WDR59: variants seen among roughly 807,000 people sequenced by gnomAD.
WDR59 encodes the protein WD repeat domain 59, also known as GATOR2 complex protein WDR59.
Under a neutral mutation model 131.2 loss-of-function variants are expected in WDR59, and 100 were observed. The ratio of observed to expected loss-of-function variants is 0.76; its 90% CI spans 0.65 to 0.90. The LOEUF is 0.90. Ranked by LOEUF, WDR59 falls within the 40% of genes least tolerant of loss-of-function variation. The probability of loss-of-function intolerance (pLI) is 0.00; values close to 1 mark genes in which losing one functional copy is unlikely to be tolerated. For synonymous variants in WDR59, 601 were observed against 466.2 expected (o/e 1.29, Z -3.72); for missense variants, 1,203 against 1,262.2 (o/e 0.95, Z 0.71).
chr16:74,904,378 T>A, intron 17 of WDR59: 1 of 282,592 alleles, frequency 3.5e-6, no homozygotes, highest in South Asian at 5.4e-5. Flanking sequence ...TCTACTATAG[T>A]TCTATCAATT....
intron 1 of WDR59, among the ~76,000 whole-genome samples, chr16:74,975,182 G>A (rs78334887): frequency 5.3e-5 from 8 of 151,078 alleles, no homozygotes; most frequent in East Asian, 2.0e-4. Context: ...CCAACATGGC[G>A]ATACCTCGTC....
Position 74,970,495 on chromosome 16 carries a change from C to CAAAAA in WDR59, c.55-4678_55-4674dup, listed in dbSNP as rs746574195. On this transcript the variant is annotated intron_variant, in intron 1 of 25. Transcript: ENST00000262144. The stretch of plus-strand genomic sequence containing the variant: ...GGGTGACAGAGAGAGACTCTGTCTC[C>CAAAAA]AAAAAAAAAAAAAAAAAAAAAAAAA... Among the ~76,000 whole-genome samples, 300 of 33,350 alleles carry CAAAAA rather than the reference C, an allele frequency of 9.0e-3. 61 individuals carry two copies. Among genetic ancestry groups the CAAAAA allele is most frequent in the Non-Finnish European group, 0.013 (196 of 15,632 alleles). The allele number at this position is 33,350 out of a possible 152,430, so 21.9% of individuals were successfully genotyped here.
intron 3 of WDR59, among the ~76,000 whole-genome samples, 188 bp downstream of exon 3, chr16:74,956,287 T>A (rs887480250): frequency 5.9e-5 from 9 of 152,194 alleles, no homozygotes; most frequent in Non-Finnish European, 1.0e-4. Context: ...CTGACACCGA[T>A]GGGACCAGCG....
At chr16:74,947,565 A>G (rs1240609879) in intron 6 of WDR59, among the ~76,000 whole-genome samples, 1 of 152,218 alleles carries the variant, frequency 6.6e-6, no homozygotes, top group East Asian at 1.9e-4. Flanking sequence ...CTTTATTTAG[A>G]TTCTCACTGA....
chr16:74,956,541 G>C lies in WDR59; in HGVS notation c.174C>G (p.Ser58Arg). 6.2e-7 allele frequency: 1 copy of C among 1,614,124 alleles called. No individual in the cohort carries two copies. The highest frequency in any genetic ancestry group is 8.5e-7 in the Non-Finnish European group (1 of 1,180,012). Residue 58 changes from serine to arginine, a missense_variant, in exon 3 of 26, where the codon AGC (serine) becomes AGG (arginine). By Grantham distance (110) the Ser-to-Arg change is moderately radical. Coordinates refer to ENST00000262144, the MANE Select transcript of WDR59 (RefSeq NM_030581.4). ...FEGHRKISRQ[S>R]KWDIGAVQWN... is the part of the protein sequence containing the mutation. ...ACTGCACAGCTCCAATGTCCCATTT[G>C]CTCTGGCGAGAGATCTTTCGGTGAC...
chr16:74,916,329 G>A (rs1237602301), intron 11 of WDR59, 70 bp from the exon 12 acceptor site: 8 of 1,593,132 alleles, frequency 5.0e-6, no homozygotes, highest in Non-Finnish European at 6.9e-6. Flanking sequence ...TGATTAAAGA[G>A]TTCTGACTTA....
chr16:74,894,469 C>T (rs1463426008), intron 18 of WDR59, among the ~76,000 whole-genome samples: 1 of 152,096 alleles, frequency 6.6e-6, no homozygotes, highest in African/African-American at 2.4e-5. Context: ...TGGGTGGCTA[C>T]ATGTGTGAGG....
At chr16:74,972,681 C>G (rs1481760063) in intron 1 of WDR59, among the ~76,000 whole-genome samples, 1 of 150,858 alleles carries the variant, frequency 6.6e-6, no homozygotes, top group Admixed American at 6.6e-5. Flanking sequence ...ATTAGCCAGG[C>G]GTGGTGGCGC....
Position 74,872,007 on chromosome 16 carries a change from A to G in WDR59, c.*2202T>C, listed in dbSNP as rs6564181. ...AAGCTTCATCCAAAACAGTGTTGTG[A>G]AAATGTTTTGACTACAACTTTCAGT... On this transcript the variant is annotated 3_prime_UTR_variant, in exon 26 of 26. Transcript: ENST00000262144. 0.56 allele frequency: 85,091 copies of G among 152,120 alleles called. 24,175 individuals carry two copies. The highest frequency in any genetic ancestry group is 0.66 in the East Asian group (3,437 of 5,182). The allele number at this position is 152,120 out of a possible 1,614,324, so 9.4% of individuals were successfully genotyped here. A position where few individuals can be genotyped will look rare whatever the true frequency, so the allele number is the denominator to read the frequency against.
At chr16:74,894,932 T>G (rs1288743555) in intron 18 of WDR59, among the ~76,000 whole-genome samples, 2 of 152,248 alleles carry the variant, frequency 1.3e-5, no homozygotes, top group Non-Finnish European at 2.9e-5. Flanking sequence ...ATGTAACTAT[T>G]ATGAATGTAT....
intron 18 of WDR59, among the ~76,000 whole-genome samples, chr16:74,898,361 G>A (rs1436071527): frequency 1.3e-5 from 2 of 152,166 alleles, no homozygotes; most frequent in Non-Finnish European, 2.9e-5. Context: ...GGAGGAAAAG[G>A]ATTTGATCCT....
chr16:74,916,007 A>G lies in WDR59; in HGVS notation c.1100-13T>C, dbSNP rs1966352057. The G allele has an allele frequency of 3.7e-6, 6 of 1,614,160 alleles. No homozygotes were observed. The East Asian group carries it at 1.3e-4, about 36-fold the overall frequency. On this transcript the variant is annotated splice_polypyrimidine_tract_variant and intron_variant, in intron 12 of 25. Coordinates refer to ENST00000262144, the MANE Select transcript of WDR59 (RefSeq NM_030581.4). ...TCTTCTTTTAGGGCTAGCAGGAGAG[A>G]GAAGTTCAATGTTGGAAAGCATTTT...
chr16:74,895,312 G>C (rs1965246688), intron 18 of WDR59, among the ~76,000 whole-genome samples: 1 of 152,114 alleles, frequency 6.6e-6, no homozygotes, highest in Non-Finnish European at 1.5e-5. Context: ...GCTGAGGCTG[G>C]AGTGCAGTGG....
At chr16:74,963,377 G>A (rs538871893) in intron 2 of WDR59, 1 of 152,236 alleles carries the variant, frequency 6.6e-6, no homozygotes, top group South Asian at 2.1e-4. Flanking sequence ...AAGAAAATGT[G>A]GTACATATAC....
rs1328539117 is a variant in WDR59 at position 74,914,937 on chromosome 16, C to G, written c.1224+933G>C. ...CACATGAGATAGTTATGTAACAGCA[C>G]ATATTTGGGTAAAGGAAAAACTAAT... On this transcript the variant is annotated intron_variant, in intron 13 of 25. Coordinates refer to ENST00000262144, the MANE Select transcript of WDR59 (RefSeq NM_030581.4). 2.0e-5 allele frequency among the ~76,000 whole-genome samples: 3 copies of G among 152,166 alleles called. No homozygotes were observed. The South Asian group carries it at 6.2e-4, about 32-fold the overall frequency.
chr16:74,904,146 A>G (rs1202791009), intron 17 of WDR59, 46 bp from the exon 18 acceptor site: 62 of 1,585,222 alleles, frequency 3.9e-5, no homozygotes, highest in Non-Finnish European at 5.3e-5. Context: ...CAGTCCTGTC[A>G]TATTTCCAAG....
chr16:74,882,036 C>T (rs966732168), intron 25 of WDR59, among the ~76,000 whole-genome samples: 4 of 152,162 alleles, frequency 2.6e-5, no homozygotes, highest in East Asian at 1.9e-4. Flanking sequence ...ATCATTAAGT[C>T]TTCCTGAGTT....
At position 74,917,973 on chromosome 16, in the gene WDR59, C is replaced by G. The variant is rs1422628022; in HGVS notation, c.922G>C (p.Asp308His). The change falls in exon 11 of 26, where the codon GAT (aspartate) becomes CAT (histidine). Residue 308 changes from aspartate (D) to histidine (H), a missense_variant. Physicochemically the swap from Asp to His is moderately conservative, Grantham distance 81. Transcript: ENST00000262144. ...ACCCGCCACATTCTCAAGGTCTGAT[C>G]CCGGGACCACGTCACCAGTTGATAG... ...KDYQLVTWSR[D>H]QTLRMWRVDS... 2 of 1,613,924 alleles carry G rather than the reference C, an allele frequency of 1.2e-6. No individual in the cohort carries two copies. The highest frequency in any genetic ancestry group is 1.7e-6 in the Non-Finnish European group (2 of 1,179,996).
intron 8 of WDR59, among the ~76,000 whole-genome samples, chr16:74,935,846 A>T (rs2031755958): frequency 6.6e-6 from 1 of 152,088 alleles, no homozygotes; most frequent in South Asian, 2.1e-4. Flanking sequence ...AAAACACAAA[A>T]GTTAGCTGGA....
Sources: gnomAD v4.1 joint callset for allele counts (sites outside exome capture counted in the v4.1 genomes callset) on GRCh38, gnomAD v4.1.1 for gene constraint, MANE v1.5 for transcripts, NCBI Gene and HGNC (gene_info 2026-07-23, HGNC 2026-07-21) for gene names.